The following CALD1 variants were observed in gnomAD, a reference collection of about 807,000 sequenced individuals.
The protein encoded by CALD1 is caldesmon.
In CALD1, 33 loss-of-function variants were observed where a neutral mutation model predicts 99.9. That is an observed-to-expected ratio of 0.33 (90% CI 0.25 to 0.44). The LOEUF is 0.44. CALD1 is among the 20% of genes least tolerant of loss of function. The probability of loss-of-function intolerance (pLI) is 1.00; values close to 1 mark genes in which losing one functional copy is unlikely to be tolerated. For missense variants in CALD1, 861 were observed against 962.1 expected, an observed-to-expected ratio of 0.89 and a Z score of 1.39; for synonymous variants, 310 against 325.0, an observed-to-expected ratio of 0.95 and a Z score of 0.50.
chr7:134,914,570 G>A (rs1804063039), intron 3 of CALD1, among the ~76,000 whole-genome samples: 3 of 152,090 alleles, frequency 2.0e-5, no homozygotes, highest in Admixed American at 6.6e-5. Context: ...TCAGTTCTTC[G>A]AAGCCATCTT....
chr7:134,915,780 T>C (rs1006392542), intron 3 of CALD1, among the ~76,000 whole-genome samples: 27 of 152,354 alleles, frequency 1.8e-4, no homozygotes, highest in Non-Finnish European at 3.4e-4. Flanking sequence ...AAAGGGAGTC[T>C]TTAAGCATAG....
the CALD1 span, among the ~76,000 whole-genome samples, chr7:134,720,684 C>T: frequency 1.3e-5 from 2 of 152,148 alleles, no homozygotes; most frequent in Non-Finnish European, 1.5e-5. Context: ...AACATGCACT[C>T]ATACATGAGC....
At chr7:134,888,276 T>C (rs767493333) in intron 3 of CALD1, among the ~76,000 whole-genome samples, 1 of 152,200 alleles carries the variant, frequency 6.6e-6, no homozygotes, top group Non-Finnish European at 1.5e-5. Context: ...CATCATCAAA[T>C]TCATGATACC....
At chr7:134,752,028 G>A (rs1401836666) in intron 1 of CALD1, among the ~76,000 whole-genome samples, 1 of 152,134 alleles carries the variant, frequency 6.6e-6, no homozygotes, top group Admixed American at 6.5e-5. Flanking sequence ...CTCACCCAAG[G>A]TATAGTTTCT....
At chr7:134,948,915 C>A (rs1807123295) in intron 8 of CALD1, among the ~76,000 whole-genome samples, 1 of 151,770 alleles carries the variant, frequency 6.6e-6, no homozygotes, top group South Asian at 2.1e-4. Flanking sequence ...GCTCTGTCAC[C>A]CAGGCTGGAG....
chr7:134,887,811 T>C (rs566175893), intron 3 of CALD1, among the ~76,000 whole-genome samples: 42 of 151,930 alleles, frequency 2.8e-4, no homozygotes, highest in African/African-American at 8.9e-4. Flanking sequence ...TGTGTATGTG[T>C]GTGCATGTGT....
At chr7:134,935,637 A>G (rs373673690) in intron 5 of CALD1, 51 bp from the exon 6 acceptor site, 15 of 1,565,116 alleles carry the variant, frequency 9.6e-6, no homozygotes, top group Non-Finnish European at 1.3e-5. Flanking sequence ...CTTGTAAACT[A>G]GAAAGGGCTT....
chr7:134,761,415 G>T (rs1338471928), intron 1 of CALD1, among the ~76,000 whole-genome samples: 3 of 152,068 alleles, frequency 2.0e-5, no homozygotes, highest in South Asian at 4.2e-4. Flanking sequence ...TCAAGGTCTC[G>T]TAGAAGGAAA....
rs541011832 is a variant in CALD1, at chr7:134,767,481, A to G, written c.-130+23118A>G. 2.6e-5 allele frequency among the ~76,000 whole-genome samples: 4 copies of G among 152,356 alleles called. No individual in the cohort carries two copies. In the East Asian group the frequency reaches 7.7e-4, roughly 29 times the overall value. On this transcript the variant is annotated intron_variant, in intron 1 of 13. Coordinates refer to the CALD1 transcript ENST00000417172. Reference sequence around the variant, plus strand: ...ACCCAAAATAGATCAAATATTTTAAATGTTTTCTTATTTGCGCCCCTCACA... The same window carrying G: ...ACCCAAAATAGATCAAATATTTTAAGTGTTTTCTTATTTGCGCCCCTCACA...
chr7:134,960,082 T>A lies in CALD1; in HGVS notation c.2170T>A (p.Ser724Thr), dbSNP rs1383221421. The A allele has an allele frequency of 6.2e-7, 1 of 1,614,118 alleles. No homozygotes were observed. The highest frequency in any genetic ancestry group is 8.5e-7 in the Non-Finnish European group (1 of 1,180,010). The change falls in exon 12 of 15, where the codon TCC (serine) becomes ACC (threonine). Residue 724 changes from serine to threonine, a missense_variant. Ser to Thr is a moderately conservative substitution (Grantham distance 58). This residue lies in a region of CALD1 where 190 missense variants were observed against 249.0 expected (regional missense o/e 0.76). Transcript: ENST00000361675. The stretch of plus-strand genomic sequence containing the variant: ...GTGGGAGAAAGGGAATGTGTTTTCA[T>A]CCCCCACTGCAGCAGGCACACCAAA... ...SMWEKGNVFS[S>T]PTAAGTPNKE...
At chr7:134,960,143 G>C in intron 12 of CALD1, 32 bp downstream of exon 12, 1 of 1,610,642 alleles carries the variant, frequency 6.2e-7, no homozygotes, top group Non-Finnish European at 8.5e-7. Flanking sequence ...CTTAAGTGTA[G>C]AGGGGCATAT....
intron 9 of CALD1, among the ~76,000 whole-genome samples, chr7:134,950,830 C>T (rs1807279433): frequency 6.6e-6 from 1 of 152,126 alleles, no homozygotes; most frequent in Non-Finnish European, 1.5e-5. Flanking sequence ...GTGGCACACA[C>T]CTGTAATAAT....
intron 1 of CALD1, among the ~76,000 whole-genome samples, chr7:134,792,176 G>T (rs1025955475): frequency 6.6e-6 from 1 of 152,154 alleles, no homozygotes; most frequent in Non-Finnish European, 1.5e-5. Flanking sequence ...TCCTTCAAGG[G>T]CTGTGAGGGA....
chr7:134,907,634 A>T (rs891695556), intron 3 of CALD1, among the ~76,000 whole-genome samples: 1 of 152,186 alleles, frequency 6.6e-6, no homozygotes, highest in Non-Finnish European at 1.5e-5. Flanking sequence ...ATTTACAAAA[A>T]ATATTAGGAT....
the CALD1 span, among the ~76,000 whole-genome samples, chr7:134,730,184 C>T: frequency 6.6e-6 from 1 of 152,040 alleles, no homozygotes; most frequent in Non-Finnish European, 1.5e-5. Context: ...TTCTCTGTCT[C>T]CCTGCTTGCT....
intron 2 of CALD1, among the ~76,000 whole-genome samples, chr7:134,864,474 C>A (rs982643126): frequency 2.0e-5 from 3 of 151,298 alleles, no homozygotes; most frequent in Non-Finnish European, 2.9e-5. Context: ...TCTCAGCTCA[C>A]TGCAACCTCC....
chr7:134,775,178 C>T (rs1012349005), upstream of CALD1, among the ~76,000 whole-genome samples: 11 of 152,024 alleles, frequency 7.2e-5, no homozygotes, highest in African/African-American at 2.7e-4. Context: ...AGTGATCCAC[C>T]CTTTTCTTCT....
Position 134,968,614 on chromosome 7 carries a change from C to T in CALD1, c.*269C>T, listed in dbSNP as rs1035650509. 1.5e-6 allele frequency: 1 copy of T among 667,528 alleles called. No individual in the cohort carries two copies. Among genetic ancestry groups the T allele is most frequent in the Non-Finnish European group, 2.8e-6 (1 of 362,806 alleles). The allele number at this position is 667,528 out of a possible 1,614,324, so 41.4% of individuals were successfully genotyped here. A position where few individuals can be genotyped will look rare whatever the true frequency, so the allele number is the denominator to read the frequency against. On this transcript the variant is annotated 3_prime_UTR_variant, in exon 15 of 15. Transcript: ENST00000361675. ...GAGACTTTTCTACTGATCATCATAA[C>T]TCTGTATCTGAGCAGTGATACCAAC...
chr7:134,711,572 T>TCAGCCTGGCCAGCC, the CALD1 span, among the ~76,000 whole-genome samples: 24 of 151,248 alleles, frequency 1.6e-4, no homozygotes, highest in Middle Eastern at 3.4e-3. Context: ...TGCGCAGACT[T>TCAGCCTGGCCAGCC]CAGCCTGGCC....
Sources: gnomAD v4.1 joint callset for allele counts (sites outside exome capture counted in the v4.1 genomes callset) on GRCh38, gnomAD v4.1.1 for gene constraint, gnomAD v4.1.1 regional missense constraint, MANE v1.5 for transcripts, NCBI Gene and HGNC (gene_info 2026-07-23, HGNC 2026-07-21) for gene names.